RXFP1: variants seen among roughly 807,000 people sequenced by gnomAD.
RXFP1 encodes the protein relaxin family peptide receptor 1, also known as relaxin receptor 1.
Under a neutral mutation model 89.8 loss-of-function variants are expected in RXFP1, and 73 were observed. That is an observed-to-expected ratio of 0.81 (90% CI 0.67 to 0.99). RXFP1 has a LOEUF of 0.99. Ranked by LOEUF, RXFP1 falls within the 50% of genes least tolerant of loss-of-function variation. The pLI, the probability that RXFP1 is intolerant of heterozygous loss-of-function variation, is 0.00. For synonymous variants in RXFP1, 277 were observed against 305.5 expected, an observed-to-expected ratio of 0.91 and a Z score of 0.97; for missense variants, 793 against 895.5, an observed-to-expected ratio of 0.89 and a Z score of 1.46.
chr4:158,543,927 T>A, intron 1 of RXFP1: 2 of 983,758 alleles, frequency 2.0e-6, no homozygotes, highest in Non-Finnish European at 2.4e-6. Context: ...AATATCGATA[T>A]AGTAGTATCT....
intron 3 of RXFP1, among the ~76,000 whole-genome samples, chr4:158,596,559 C>T (rs1052523177): frequency 1.3e-5 from 2 of 152,210 alleles, no homozygotes; most frequent in Non-Finnish European, 2.9e-5. Context: ...TGCGCCTGGT[C>T]TATTTCTTAA....
intron 14 of RXFP1, among the ~76,000 whole-genome samples, chr4:158,642,504 C>T (rs1015574108): frequency 1.6e-4 from 24 of 152,254 alleles, no homozygotes; most frequent in African/African-American, 2.2e-4. Flanking sequence ...TCTGTAAGAT[C>T]GACATTTTTA....
At chr4:158,542,109 A>ATATATATATATATATTTTT in intron 1 of RXFP1, among the ~76,000 whole-genome samples, 42 of 35,196 alleles carry the variant, frequency 1.2e-3, no homozygotes, top group Non-Finnish European at 1.6e-3. Context: ...ATATATATAT[A>ATATATATATATATATTTTT]TTTTTTTTTT....
At chr4:158,539,758 A>G (rs533915063) in intron 1 of RXFP1, among the ~76,000 whole-genome samples, 3 of 152,160 alleles carry the variant, frequency 2.0e-5, no homozygotes, top group South Asian at 2.1e-4. Context: ...TTTTTAGTAC[A>G]GTCATTAGTT....
intron 15 of RXFP1, 109 bp from the exon 16 acceptor site, chr4:158,646,682 G>A (rs761666447): frequency 6.6e-5 from 97 of 1,467,242 alleles, no homozygotes; most frequent in Non-Finnish European, 8.4e-5. Flanking sequence ...CTCTTCCTAA[G>A]TTGGAAGAAA....
At chr4:158,593,129 G>T (rs1253163988) in intron 2 of RXFP1, among the ~76,000 whole-genome samples, 3 of 151,214 alleles carry the variant, frequency 2.0e-5, no homozygotes, top group Admixed American at 1.3e-4. Context: ...CTGGAGAATG[G>T]TTTTTTCATA....
chr4:158,636,168 A>T (rs2150221828), intron 12 of RXFP1, among the ~76,000 whole-genome samples: 1 of 152,194 alleles, frequency 6.6e-6, no homozygotes, highest in East Asian at 1.9e-4. Flanking sequence ...GGGCAGGAGG[A>T]TCCCTTGAGC....
At chr4:158,585,631 A>G (rs1479351403) in intron 2 of RXFP1, among the ~76,000 whole-genome samples, 1 of 152,214 alleles carries the variant, frequency 6.6e-6, no homozygotes, top group African/African-American at 2.4e-5. Flanking sequence ...GCTAGATTTC[A>G]ATGATATTAA....
At chr4:158,546,454 C>A (rs1266750608) in intron 1 of RXFP1, among the ~76,000 whole-genome samples, 1 of 152,110 alleles carries the variant, frequency 6.6e-6, no homozygotes, top group Non-Finnish European at 1.5e-5. Context: ...CCTTCTCCTG[C>A]CTAATTGCCC....
chr4:158,639,310 C>T lies in RXFP1; in HGVS notation c.1094C>T (p.Pro365Leu). 1 of 1,562,010 alleles carries T rather than the reference C, an allele frequency of 6.4e-7. No individual in the cohort carries two copies. The highest frequency in any genetic ancestry group is 1.1e-5 in the South Asian group (1 of 89,936). Residue 365 changes from proline (P) to leucine (L), a missense_variant, in exon 14 of 18, where the codon CCT becomes CTT. Physicochemically the swap from Pro to Leu is moderately conservative, Grantham distance 98 (BLOSUM62 -3). Transcript: ENST00000307765. ...AATATCCAACAAAGGATGTTTAGAC[C>T]TCTTATGAATCTCTCTCACATGTAA... Reference protein sequence around the residue: ...ISNIQQRMFRPLMNLSHIYFK... With the variant: ...ISNIQQRMFRLLMNLSHIYFK...
At chr4:158,650,831 A>T (rs1772563789) in intron 17 of RXFP1, among the ~76,000 whole-genome samples, 2 of 152,208 alleles carry the variant, frequency 1.3e-5, no homozygotes, top group Admixed American at 1.3e-4. Flanking sequence ...ACTATGGATG[A>T]TGGTGATAGT....
chr4:158,646,895 C>G lies in RXFP1; in HGVS notation c.1450C>G (p.His484Asp). 1 of 1,614,176 alleles carries G rather than the reference C, an allele frequency of 6.2e-7. No homozygotes were observed. The highest frequency in any genetic ancestry group is 1.1e-5 in the South Asian group (1 of 91,084). Residue 484 changes from histidine to aspartate, a missense_variant, in exon 16 of 18, where the codon CAT becomes GAT. Transcript: ENST00000307765. ...TGCGCAGCTGTGGATGGAGAGTACT[C>G]ATTGTCAGCTTGTAGGATCTTTGGC... is the stretch of plus-strand genomic sequence containing the variant. ...KHAQLWMEST[H>D]CQLVGSLAIL...
chr4:158,623,630 GC>G (rs1468907841), intron 9 of RXFP1, among the ~76,000 whole-genome samples: 1 of 151,744 alleles, frequency 6.6e-6, no homozygotes, highest in African/African-American at 2.4e-5. Flanking sequence ...AAACTTCAGT[GC>G]CCCTTCTCAA....
intron 1 of RXFP1, among the ~76,000 whole-genome samples, chr4:158,558,609 G>GTCTTAA (rs1751814952): frequency 6.6e-6 from 1 of 152,046 alleles, no homozygotes; most frequent in Non-Finnish European, 1.5e-5. Context: ...TCTTAAGCAA[G>GTCTTAA]GTATATATTC....
chr4:158,532,985 T>A (rs896208614), intron 1 of RXFP1, among the ~76,000 whole-genome samples: 1 of 152,182 alleles, frequency 6.6e-6, no homozygotes, highest in Admixed American at 6.5e-5. Flanking sequence ...AGAGTTTTAA[T>A]ACCAAAGGGA....
chr4:158,637,628 G>A (rs1256670952), intron 12 of RXFP1, among the ~76,000 whole-genome samples: 2 of 151,906 alleles, frequency 1.3e-5, no homozygotes, highest in African/African-American at 4.8e-5. Context: ...CACATTTTGG[G>A]TATTAACCAC....
intron 13 of RXFP1, among the ~76,000 whole-genome samples, chr4:158,638,554 A>G (rs928411070): frequency 1.3e-5 from 2 of 152,154 alleles, no homozygotes; most frequent in Admixed American, 1.3e-4. Context: ...ACACCTGTAA[A>G]CTCAGCACTT....
chr4:158,575,572 C>T (rs935078408), intron 2 of RXFP1, among the ~76,000 whole-genome samples: 1 of 152,100 alleles, frequency 6.6e-6, no homozygotes, highest in African/African-American at 2.4e-5. Flanking sequence ...AGTGGATTAG[C>T]ATCCTTATGA....
chr4:158,548,638 C>G (rs903070841), intron 1 of RXFP1, among the ~76,000 whole-genome samples: 8 of 152,264 alleles, frequency 5.3e-5, no homozygotes, highest in Middle Eastern at 6.8e-3. Flanking sequence ...TCTTTTAGGG[C>G]AGGCCTGGTG....
Sources: gnomAD v4.1 joint callset for allele counts (sites outside exome capture counted in the v4.1 genomes callset) on GRCh38, gnomAD v4.1.1 for gene constraint, MANE v1.5 for transcripts, NCBI Gene and HGNC (gene_info 2026-07-23, HGNC 2026-07-21) for gene names.